Variants in SLMAP observed in about 807,000 individuals in gnomAD.
SLMAP encodes the protein sarcolemma associated protein.
A neutral mutation model predicts 128.8 loss-of-function variants in SLMAP; 44 were observed. That is an observed-to-expected ratio of 0.34 (90% CI 0.27 to 0.44). The LOEUF is 0.44. Ranked by LOEUF, SLMAP falls within the 20% of genes least tolerant of loss-of-function variation. SLMAP has a pLI of 1.00. For synonymous variants in SLMAP, 327 were observed against 348.8 expected, an observed-to-expected ratio of 0.94 and a Z score of 0.70; for missense variants, 787 against 985.3, an observed-to-expected ratio of 0.80 and a Z score of 2.69.
chr3:57,778,482 C>A (rs115623675), intron 2 of SLMAP, among the ~76,000 whole-genome samples: 2,753 of 148,786 alleles, frequency 0.019, 73 homozygotes, highest in African/African-American at 0.064. Flanking sequence ...TTTCTATTTC[C>A]TGAATTTTTG....
In SLMAP at chr3:57,896,968, G is replaced by T. The variant is rs2096258682; in HGVS notation, c.1501+36G>T. On this transcript the variant is annotated intron_variant, in intron 17 of 24. Transcript: ENST00000671191. ...ATGTTTTTATGACATCGTAAACCAG[G>T]GTATCAAATCACCCTTTGCCATAAA... is the stretch of plus-strand genomic sequence containing the variant. The T allele has an allele frequency of 1.9e-6, 3 of 1,610,700 alleles. No homozygotes were observed. The East Asian group carries it at 6.7e-5, about 36-fold the overall frequency.
intron 2 of SLMAP, among the ~76,000 whole-genome samples, chr3:57,767,947 TA>T (rs1298851142): frequency 1.3e-5 from 2 of 152,226 alleles, no homozygotes. Context: ...TAACTCAAGT[TA>T]ATTATTTCTC....
intron 2 of SLMAP, among the ~76,000 whole-genome samples, chr3:57,785,974 A>G (rs569502504): frequency 6.6e-6 from 1 of 152,334 alleles, no homozygotes; most frequent in African/African-American, 2.4e-5. Context: ...AACCCCTTCT[A>G]CTACTACTTT....
chr3:57,921,390 G>A (rs2096915496), intron 22 of SLMAP, among the ~76,000 whole-genome samples: 1 of 152,156 alleles, frequency 6.6e-6, no homozygotes, highest in South Asian at 2.1e-4. Flanking sequence ...ACTTTGGGAG[G>A]CTGAAGCAGG....
intron 22 of SLMAP, 67 bp from the exon 23 acceptor site, chr3:57,922,822 G>T: frequency 6.8e-7 from 1 of 1,479,560 alleles, no homozygotes. Flanking sequence ...GTATAAACCT[G>T]ATTAGAACCA....
rs759392613 is a variant in SLMAP, at chr3:57,896,867, C to G, written c.1442-6C>G. On this transcript the variant is annotated splice_region_variant and splice_polypyrimidine_tract_variant and intron_variant, in intron 16 of 24. Coordinates refer to ENST00000671191, the MANE Select transcript of SLMAP (RefSeq NM_001377540.1). ...AATTATATATGTATTTTTTTCCTCT[C>G]TGTAGACGCCCAAATGGATGAGCAA... is the stretch of plus-strand genomic sequence containing the variant. 1.3e-6 allele frequency: 2 copies of G among 1,598,314 alleles called. No individual in the cohort carries two copies. The highest frequency in any genetic ancestry group is 3.6e-5 in the Admixed American group (2 of 55,670).
chr3:57,896,675 G>C (rs1288382312), intron 16 of SLMAP, 84 bp downstream of exon 16: 6 of 1,213,512 alleles, frequency 4.9e-6, no homozygotes, highest in Non-Finnish European at 6.9e-6. Flanking sequence ...AGATTTCAAA[G>C]TATGTGTTTG....
At chr3:57,885,913 A>G (rs1221398324) in intron 14 of SLMAP, among the ~76,000 whole-genome samples, 34 of 146,902 alleles carry the variant, frequency 2.3e-4, no homozygotes, top group African/African-American at 8.6e-4. Flanking sequence ...CCTCCTGAGT[A>G]GCTGGGATTA....
chr3:57,796,092 G>C (rs966770481), intron 2 of SLMAP, among the ~76,000 whole-genome samples: 1 of 152,006 alleles, frequency 6.6e-6, no homozygotes, highest in Admixed American at 6.5e-5. Context: ...CTAATTTAAG[G>C]CCATAAACAT....
chr3:57,831,636 T>A, intron 3 of SLMAP, 106 bp downstream of exon 3: 1 of 733,246 alleles, frequency 1.4e-6, no homozygotes, highest in Non-Finnish European at 2.1e-6. Context: ...GAAAGCGATT[T>A]AAATACAGCA....
intron 2 of SLMAP, among the ~76,000 whole-genome samples, chr3:57,810,924 C>G (rs1490076550): frequency 6.6e-6 from 1 of 152,174 alleles, no homozygotes; most frequent in Non-Finnish European, 1.5e-5. Context: ...TGTTGTCTAT[C>G]TGTACTTGTT....
chr3:57,853,458 G>T (rs925661830), intron 6 of SLMAP, among the ~76,000 whole-genome samples: 1 of 152,112 alleles, frequency 6.6e-6, no homozygotes, highest in Non-Finnish European at 1.5e-5. Flanking sequence ...TCTCAGAGGC[G>T]TTAGGGTCAT....
intron 22 of SLMAP, chr3:57,917,500 C>T (rs2096836353): frequency 5.6e-6 from 1 of 178,122 alleles, no homozygotes; most frequent in Non-Finnish European, 1.2e-5. Flanking sequence ...CACCTCATAG[C>T]CAGGCAGCCA....
chr3:57,851,040 A>G (rs188657710), intron 6 of SLMAP, among the ~76,000 whole-genome samples: 3 of 152,368 alleles, frequency 2.0e-5, no homozygotes, highest in African/African-American at 7.2e-5. Context: ...GCTTCATTCT[A>G]GCACTTTACC....
intron 22 of SLMAP, among the ~76,000 whole-genome samples, chr3:57,922,017 A>C (rs1434729991): frequency 1.3e-5 from 2 of 152,164 alleles, no homozygotes; most frequent in Admixed American, 1.3e-4. Context: ...TGCCTGTTTT[A>C]AGTGGAGAAA....
chr3:57,864,173 C>G (rs1369594288), intron 10 of SLMAP, among the ~76,000 whole-genome samples: 1 of 151,984 alleles, frequency 6.6e-6, no homozygotes, highest in African/African-American at 2.4e-5. Flanking sequence ...TTTGGGAGGC[C>G]AAGGTGGGCT....
intron 2 of SLMAP, among the ~76,000 whole-genome samples, chr3:57,802,115 A>G (rs1343912956): frequency 6.6e-6 from 1 of 152,168 alleles, no homozygotes; most frequent in Non-Finnish European, 1.5e-5. Context: ...ATGTAAGTCA[A>G]GTACTTGAAG....
chr3:57,874,678 G>A (rs934872914), intron 14 of SLMAP, among the ~76,000 whole-genome samples: 2 of 151,964 alleles, frequency 1.3e-5, no homozygotes, highest in African/African-American at 4.8e-5. Flanking sequence ...TGACCAACAT[G>A]TTGAAACCGC....
Position 57,786,987 on chromosome 3 carries a change from C to T in SLMAP, c.198+29138C>T, listed in dbSNP as rs181459982. Among the ~76,000 whole-genome samples the T allele has an allele frequency of 2.0e-4, 30 of 152,266 alleles. No individual in the cohort carries two copies. In the East Asian group the frequency reaches 3.5e-3, roughly 18 times the overall value. ...GCCTGACCTTGTGATCCGCCCGCCT[C>T]GGCCTCCCAAAGTGTTGGGATTACA... On this transcript the variant is annotated intron_variant, in intron 2 of 24. Coordinates refer to ENST00000671191, the MANE Select transcript of SLMAP (RefSeq NM_001377540.1).
Sources: allele counts gnomAD v4.1 joint callset (sites outside exome capture counted in the v4.1 genomes callset), GRCh38; gene constraint gnomAD v4.1.1; transcripts MANE v1.5; gene names NCBI Gene and HGNC (gene_info 2026-07-23, HGNC 2026-07-21).